The following AGMO variants were observed in gnomAD, a reference collection of about 807,000 sequenced individuals.
The protein encoded by AGMO is alkylglycerol monooxygenase.
In AGMO, 75 loss-of-function variants were observed where a neutral mutation model predicts 60.2. That is an observed-to-expected ratio of 1.25 (90% CI 1.03 to 1.51). The LOEUF (loss-of-function observed/expected upper bound fraction) is 1.51, where lower values mean the gene tolerates loss of function less well. Among genes scored for constraint, AGMO ranks in the 40% most tolerant of loss-of-function variants. The probability of loss-of-function intolerance (pLI) is 0.00; values close to 1 mark genes in which losing one functional copy is unlikely to be tolerated. For synonymous variants in AGMO, 261 were observed against 177.1 expected, an observed-to-expected ratio of 1.47 and a Z score of -3.76; for missense variants, 763 against 525.5, an observed-to-expected ratio of 1.45 and a Z score of -4.42.
intron 12 of AGMO, among the ~76,000 whole-genome samples, chr7:15,204,937 C>T (rs1329472433): frequency 6.6e-6 from 1 of 152,126 alleles, no homozygotes; most frequent in Non-Finnish European, 1.5e-5. Context: ...AAGCACTCCT[C>T]CCATCTCAGC....
At chr7:15,453,812 C>T (rs2128506322) in intron 3 of AGMO, among the ~76,000 whole-genome samples, 1 of 152,086 alleles carries the variant, frequency 6.6e-6, no homozygotes, top group Admixed American at 6.6e-5. Context: ...GCTTCTCATC[C>T]CAGCTCCACT....
chr7:15,363,224 A>C (rs1268856284), intron 12 of AGMO, among the ~76,000 whole-genome samples: 2 of 152,194 alleles, frequency 1.3e-5, no homozygotes, highest in Non-Finnish European at 2.9e-5. Flanking sequence ...TTCCTTCAAC[A>C]TTGTTGTTCT....
At chr7:15,282,412 A>G (rs1366849554) in intron 12 of AGMO, among the ~76,000 whole-genome samples, 2 of 152,174 alleles carry the variant, frequency 1.3e-5, no homozygotes, top group Non-Finnish European at 2.9e-5. Context: ...TGAAAGATAC[A>G]TTTAGGGAGT....
intron 3 of AGMO, among the ~76,000 whole-genome samples, chr7:15,522,939 T>A (rs1784040910): frequency 6.6e-6 from 1 of 152,112 alleles, no homozygotes; most frequent in Non-Finnish European, 1.5e-5. Flanking sequence ...ATTTTTGCAA[T>A]CTATCCATCT....
At chr7:15,371,452 G>A (rs185368910) in intron 10 of AGMO, among the ~76,000 whole-genome samples, 16 of 151,378 alleles carry the variant, frequency 1.1e-4, no homozygotes, top group Admixed American at 2.0e-4. Flanking sequence ...GTGCAATGGC[G>A]CCATCTCGGC....
the AGMO span, among the ~76,000 whole-genome samples, chr7:15,191,250 G>C: frequency 6.6e-6 from 1 of 152,150 alleles, no homozygotes; most frequent in Non-Finnish European, 1.5e-5. Flanking sequence ...AGCATGAAAA[G>C]AAGTAGAAAC....
At chr7:15,494,593 T>C (rs184387190) in intron 3 of AGMO, among the ~76,000 whole-genome samples, 2 of 152,280 alleles carry the variant, frequency 1.3e-5, no homozygotes, top group East Asian at 1.9e-4. Flanking sequence ...ATGTGCCACA[T>C]GGGAGAAGCA....
At chr7:15,118,817 C>T in the AGMO span, among the ~76,000 whole-genome samples, 5 of 148,048 alleles carry the variant, frequency 3.4e-5, no homozygotes, top group African/African-American at 4.9e-5. Flanking sequence ...CTTAGTGTCA[C>T]ATTTCCAGTT....
the AGMO span, among the ~76,000 whole-genome samples, chr7:15,161,174 A>C: frequency 1.3e-5 from 2 of 152,178 alleles, no homozygotes; most frequent in Non-Finnish European, 2.9e-5. Context: ...GATTCCAACA[A>C]ATGCTTTTGA....
intron 3 of AGMO, among the ~76,000 whole-genome samples, chr7:15,529,448 A>C (rs1212406300): frequency 2.0e-5 from 3 of 146,766 alleles, no homozygotes; most frequent in Non-Finnish European, 4.5e-5. Context: ...CATCAACAAA[A>C]AAAACAACAA....
the AGMO span, among the ~76,000 whole-genome samples, chr7:15,183,915 G>T: frequency 1.3e-5 from 2 of 152,110 alleles, no homozygotes; most frequent in Admixed American, 6.5e-5. Flanking sequence ...CATAAAATTT[G>T]ATAATTGTCC....
At chr7:15,183,826 A>G in the AGMO span, among the ~76,000 whole-genome samples, 1 of 152,234 alleles carries the variant, frequency 6.6e-6, no homozygotes, top group South Asian at 2.1e-4. Context: ...TAAAAAATAT[A>G]TAAACAAATT....
intron 5 of AGMO, chr7:15,396,188 A>T (rs13234664): frequency 0.35 from 52,586 of 152,376 alleles, 9,457 homozygotes; most frequent in African/African-American, 0.45. Context: ...TCGTCCAGAA[A>T]TGGTGGGTTC....
intron 12 of AGMO, among the ~76,000 whole-genome samples, chr7:15,307,845 C>T (rs1359321787): frequency 1.3e-5 from 2 of 152,032 alleles, no homozygotes; most frequent in East Asian, 3.9e-4. Context: ...CAGAAATTTA[C>T]AAGACTAAAT....
chr7:15,529,633 AATAT>A (rs542202341), intron 3 of AGMO, among the ~76,000 whole-genome samples: 4 of 18,742 alleles, frequency 2.1e-4, no homozygotes, highest in African/African-American at 4.6e-4. Context: ...ATATATATAG[AATAT>A]ATATATATAC....
At chr7:15,365,840 C>G (rs1782954527) in intron 11 of AGMO, among the ~76,000 whole-genome samples, 1 of 151,996 alleles carries the variant, frequency 6.6e-6, no homozygotes, top group Non-Finnish European at 1.5e-5. Context: ...AGTTTGAGCA[C>G]TGATGAGTTA....
At chr7:15,317,135 T>C (rs925338190) in intron 12 of AGMO, among the ~76,000 whole-genome samples, 15 of 152,166 alleles carry the variant, frequency 9.9e-5, no homozygotes, top group Admixed American at 5.9e-4. Flanking sequence ...AGTGGTAACG[T>C]TGACTTTCAA....
intron 12 of AGMO, among the ~76,000 whole-genome samples, chr7:15,337,610 G>T (rs1003032483): frequency 6.6e-6 from 1 of 152,124 alleles, no homozygotes; most frequent in Non-Finnish European, 1.5e-5. Flanking sequence ...TTACAATTCT[G>T]CCTGGGAAAA....
chr7:15,324,087 G>T (rs1045705380), intron 12 of AGMO, among the ~76,000 whole-genome samples: 2 of 152,162 alleles, frequency 1.3e-5, no homozygotes, highest in African/African-American at 4.8e-5. Context: ...TACAAGCGTA[G>T]TAAAAATAAG....
Sources: allele counts gnomAD v4.1 joint callset (sites outside exome capture counted in the v4.1 genomes callset), GRCh38; gene constraint gnomAD v4.1.1; transcripts MANE v1.5; gene names NCBI Gene and HGNC (gene_info 2026-07-23, HGNC 2026-07-21).